MGA: variants seen among roughly 807,000 people sequenced by gnomAD.
MGA encodes MAX dimerization protein MGA.
A neutral mutation model predicts 261.1 loss-of-function variants in MGA; 40 were observed. The ratio of observed to expected loss-of-function variants is 0.15; its 90% confidence interval spans 0.12 to 0.20. The LOEUF (loss-of-function observed/expected upper bound fraction) is 0.20. MGA is among the 10% of genes least tolerant of loss of function. MGA has a pLI of 1.00. For missense variants in MGA, 3,397 were observed against 3,630.5 expected (o/e 0.94, Z 1.65); for synonymous variants, 1,302 against 1,290.6 (o/e 1.01, Z -0.19).
At chr15:41,627,497 G>C (rs1476740245) in intron 1 of MGA, among the ~76,000 whole-genome samples, 1 of 152,160 alleles carries the variant, frequency 6.6e-6, no homozygotes, top group African/African-American at 2.4e-5. Flanking sequence ...AGAGTACTTA[G>C]TATCAACATG....
Position 41,749,928 on chromosome 15 carries a change from A to G in MGA, c.6321A>G (p.Gln2107=). ...AAAATTTAAGTAAAGTACAGCATCA[A>G]AAACTTGGTGATGTGAAGGTGGAAC... The change falls in exon 17 of 24, where the codon CAA becomes CAG. Residue 2107 remains glutamine (Q), a synonymous_variant. Transcript: ENST00000219905. 6.2e-7 allele frequency: 1 copy of G among 1,613,910 alleles called. No individual in the cohort carries two copies. Among genetic ancestry groups the G allele is most frequent in the East Asian group, 2.2e-5 (1 of 44,878 alleles).
At position 41,729,363 on chromosome 15, in the gene MGA, T is replaced by G. The variant is rs764684886; in HGVS notation, c.3843+14T>G. Reference sequence around the variant, plus strand: ...AATAATGCAAAGGTGAGTTTCTTGTTGCATAAGTTCTTTTTAACTTCTGAT... The same window carrying G: ...AATAATGCAAAGGTGAGTTTCTTGTGGCATAAGTTCTTTTTAACTTCTGAT... On this transcript the variant is annotated intron_variant, in intron 11 of 23. Transcript: ENST00000219905. The G allele has an allele frequency of 1.1e-5, 17 of 1,597,208 alleles. No homozygotes were observed. Among genetic ancestry groups the G allele is most frequent in the Middle Eastern group, 1.7e-4 (1 of 6,016 alleles).
At chr15:41,623,910 T>G (rs1211473040) in intron 1 of MGA, among the ~76,000 whole-genome samples, 1 of 150,460 alleles carries the variant, frequency 6.6e-6, no homozygotes, top group Non-Finnish European at 1.5e-5. Flanking sequence ...GGATTACAGG[T>G]GTCTCCCACT....
At chr15:41,623,965 C>T (rs1023559066) in intron 1 of MGA, among the ~76,000 whole-genome samples, 5 of 151,268 alleles carry the variant, frequency 3.3e-5, no homozygotes, top group South Asian at 2.1e-4. Flanking sequence ...GGGGTTTCAC[C>T]GTGTTGGCCA....
At chr15:41,706,349 G>A (rs2060112485) in intron 5 of MGA, among the ~76,000 whole-genome samples, 1 of 145,146 alleles carries the variant, frequency 6.9e-6, no homozygotes, top group African/African-American at 2.6e-5. Context: ...TTTAAGAGAT[G>A]TGGTCTTCCC....
Position 41,742,839 on chromosome 15 carries a change from A to G in MGA, c.4879A>G (p.Thr1627Ala). Residue 1627 changes from threonine (T) to alanine (A), a missense_variant, in exon 15 of 24, where the codon ACT becomes GCT. Around this residue, in one of 9 missense-constraint regions of MGA, gnomAD observed 1,410 missense variants for 1,386.4 expected, o/e 1.02. Transcript: ENST00000219905. The stretch of plus-strand genomic sequence containing the variant: ...TTCTGACGTGGAAACTAAAGAAACT[A>G]CTTATTCTTCTGGTGCCACCACTAC... 6.2e-7 allele frequency: 1 copy of G among 1,613,906 alleles called. No individual in the cohort carries two copies. The highest frequency in any genetic ancestry group is 1.1e-5 in the South Asian group (1 of 91,080).
chr15:41,647,156 T>C (rs538296932), intron 1 of MGA, among the ~76,000 whole-genome samples: 1 of 152,362 alleles, frequency 6.6e-6, no homozygotes, highest in African/African-American at 2.4e-5. Flanking sequence ...ATAAAATTTA[T>C]GGACCCTTTG....
In MGA at chr15:41,699,329, TTCTC is replaced by T. The variant is rs368704551; in HGVS notation, c.2188+172_2188+175del. 2.0e-4 allele frequency among the ~76,000 whole-genome samples: 31 copies of T among 152,310 alleles called. No homozygotes were observed. In the East Asian group the frequency reaches 5.8e-3, roughly 28 times the overall value. On this transcript the variant is annotated intron_variant, in intron 5 of 23. Coordinates refer to ENST00000219905, the MANE Select transcript of MGA (RefSeq NM_001164273.2). ...GTCTTTCAGTTTGCATATTTTTCTC[TTCTC>T]TGTCTCCATAATTCTTCCCTTTAGT...
chr15:41,683,067 C>T (rs935246721), intron 2 of MGA, among the ~76,000 whole-genome samples: 4 of 152,210 alleles, frequency 2.6e-5, no homozygotes, highest in East Asian at 1.9e-4. Flanking sequence ...TGTTGCCTCC[C>T]GGTTTCCTGT....
intron 1 of MGA, among the ~76,000 whole-genome samples, chr15:41,626,554 C>G (rs1255283434): frequency 6.6e-6 from 1 of 152,192 alleles, no homozygotes; most frequent in South Asian, 2.1e-4. Context: ...TCCTGAGTAG[C>G]TAGGATTACA....
chr15:41,714,142 G>A (rs2060513894), intron 9 of MGA, among the ~76,000 whole-genome samples: 1 of 151,970 alleles, frequency 6.6e-6, no homozygotes. Flanking sequence ...GTTTATCAGG[G>A]GATTAATACT....
intron 22 of MGA, among the ~76,000 whole-genome samples, 166 bp from the exon 23 acceptor site, chr15:41,764,720 T>C (rs187383510): frequency 6.6e-6 from 1 of 151,954 alleles, no homozygotes; most frequent in Non-Finnish European, 1.5e-5. Context: ...ATTTTTCTTG[T>C]AGAGATGGAG....
At chr15:41,760,864 G>C (rs1420204528) in intron 20 of MGA, among the ~76,000 whole-genome samples, 1 of 152,174 alleles carries the variant, frequency 6.6e-6, no homozygotes, top group East Asian at 1.9e-4. Context: ...AGCCTCCTGA[G>C]TAGTTGGGAT....
At chr15:41,740,260 G>T in intron 14 of MGA, 57 bp downstream of exon 14, 1 of 1,556,836 alleles carries the variant, frequency 6.4e-7, no homozygotes, top group South Asian at 1.1e-5. Flanking sequence ...GTGGGACAGT[G>T]GGTACAGGTA....
chr15:41,696,780 G>A lies in MGA; in HGVS notation c.1770G>A (p.Met590Ile). 1 of 1,607,086 alleles carries A rather than the reference G, an allele frequency of 6.2e-7. No individual in the cohort carries two copies. Among genetic ancestry groups the A allele is most frequent in the Non-Finnish European group, 8.5e-7 (1 of 1,176,702 alleles). Residue 590 changes from methionine to isoleucine, a missense_variant, in exon 3 of 24, where the codon ATG becomes ATA. Physicochemically the swap from Met to Ile is conservative, Grantham distance 10. This residue lies in a region of MGA where 563 missense variants were observed against 563.6 expected (regional missense o/e 1.00). Coordinates refer to ENST00000219905, the MANE Select transcript of MGA (RefSeq NM_001164273.2). The stretch of plus-strand genomic sequence containing the variant: ...ACTTGGGCAGAAAGAGAACAACTAT[G>A]CTTAAGATTGCAACAGCCGCAAAGG...
intron 22 of MGA, 30 bp downstream of exon 22, chr15:41,762,392 T>C: frequency 2.5e-6 from 4 of 1,570,340 alleles, no homozygotes; most frequent in Admixed American, 1.7e-5. Flanking sequence ...CTTTCCTTAA[T>C]GTAGATATAC....
intron 12 of MGA, 104 bp downstream of exon 12, chr15:41,734,698 C>A: frequency 1.1e-6 from 1 of 878,350 alleles, no homozygotes; most frequent in Non-Finnish European, 1.7e-6. Context: ...ATATGTCTGC[C>A]TACCCTGTTT....
chr15:41,656,332 C>CCCTCT (rs1402202809), upstream of MGA, among the ~76,000 whole-genome samples: 1 of 110,998 alleles, frequency 9.0e-6, no homozygotes, highest in Admixed American at 9.1e-5. Flanking sequence ...TTCTCTCTCT[C>CCCTCT]CCTCTCCTCT....
rs780211238 is a variant in MGA, at chr15:41,764,940, C to T, written c.7799C>T (p.Pro2600Leu). Residue 2600 changes from proline (P) to leucine (L), a missense_variant, in exon 23 of 24, where the codon CCG becomes CTG. Physicochemically the swap from Pro to Leu is moderately conservative, Grantham distance 98. This residue lies in a region of MGA where 647 missense variants were observed against 642.4 expected (regional missense o/e 1.01). Transcript: ENST00000219905. The stretch of plus-strand genomic sequence containing the variant: ...ACCTCTGCCAACCTTGTGATGACTC[C>T]GCAAGGGCAATTGCTCACCCTAAAA... 9.3e-6 allele frequency: 15 copies of T among 1,613,932 alleles called. No homozygotes were observed. Among genetic ancestry groups the T allele is most frequent in the South Asian group, 2.2e-5 (2 of 91,096 alleles).
Sources: allele counts gnomAD v4.1 joint callset (sites outside exome capture counted in the v4.1 genomes callset), GRCh38; gene constraint gnomAD v4.1.1; regional missense constraint gnomAD v4.1.1; transcripts MANE v1.5; gene names NCBI Gene and HGNC (gene_info 2026-07-23, HGNC 2026-07-21).